The following PAH variants were observed in gnomAD, a reference collection of about 807,000 sequenced individuals.
PAH encodes the protein phenylalanine hydroxylase, also known as phenylalanine-4-hydroxylase.
A neutral mutation model predicts 62.0 loss-of-function variants in PAH; 64 were observed. That is an observed-to-expected ratio of 1.03 (90% CI 0.84 to 1.27). PAH has a LOEUF of 1.27. PAH is among the 50% of genes most tolerant of loss of function. The pLI, the probability that PAH is intolerant of heterozygous loss-of-function variation, is 0.00. For missense variants in PAH, 579 were observed against 542.8 expected (o/e 1.07, Z -0.66); for synonymous variants, 195 against 196.2 (o/e 0.99, Z 0.05).
Position 102,838,448 on chromosome 12 carries a change from T to G in PAH, c.*727A>C, listed in dbSNP as rs1037398267. On this transcript the variant is annotated 3_prime_UTR_variant, in exon 13 of 13. Coordinates refer to ENST00000553106, the MANE Select transcript of PAH (RefSeq NM_000277.3). ...TTCCTGAATATCTACCAACCAAGCC[T>G]TTAGTCAACATCTGCTGCATCATAA... The G allele has an allele frequency of 6.6e-6, 1 of 152,232 alleles. No homozygotes were observed. Among genetic ancestry groups the G allele is most frequent in the Admixed American group, 6.5e-5 (1 of 15,280 alleles). The allele number at this position is 152,232 out of a possible 1,614,324, so 9.4% of individuals were successfully genotyped here.
chr12:102,939,484 C>A (rs1879217548), intron 1 of PAH, among the ~76,000 whole-genome samples: 1 of 152,212 alleles, frequency 6.6e-6, no homozygotes, highest in African/African-American at 2.4e-5. Context: ...GCAGAGCTCC[C>A]AGAAGCAACT....
intron 4 of PAH, 123 bp from the exon 5 acceptor site, chr12:102,866,786 C>T: frequency 1.2e-6 from 1 of 820,284 alleles, no homozygotes; most frequent in South Asian, 1.4e-5. Flanking sequence ...TTGGTTATAC[C>T]CTAAAACTAA....
exon 1 of PAH, chr12:102,958,342 C>G (rs772871535): frequency 1.4e-6 from 2 of 1,457,542 alleles, no homozygotes; most frequent in South Asian, 2.7e-5. Context: ...TGTTTCTTTG[C>G]CACGGCCGCA....
chr12:102,916,013 G>C (rs374633717), intron 1 of PAH, among the ~76,000 whole-genome samples: 4 of 151,984 alleles, frequency 2.6e-5, no homozygotes, highest in Admixed American at 2.6e-4. Flanking sequence ...TGTGGGGACC[G>C]TATTGCCAGC....
intron 2 of PAH, among the ~76,000 whole-genome samples, chr12:102,908,866 A>G (rs36013270): frequency 0.12 from 15,638 of 134,616 alleles, 1,010 homozygotes; most frequent in Middle Eastern, 0.15. Context: ...TTTGAGACAG[A>G]GTTTCACTCT....
chr12:102,958,200 G>A, exon 1 of PAH: 2 of 1,412,232 alleles, frequency 1.4e-6, no homozygotes, highest in Admixed American at 3.0e-5. Context: ...CGCACCTCGC[G>A]TCCCGGATCG....
chr12:102,895,000 C>G, intron 2 of PAH, 82 bp from the exon 3 acceptor site: 1 of 1,015,590 alleles, frequency 9.8e-7, no homozygotes, highest in East Asian at 2.4e-5. Flanking sequence ...ACAGGAAAAC[C>G]TAACGCAACA....
intron 8 of PAH, among the ~76,000 whole-genome samples, chr12:102,850,801 T>G (rs941754379): frequency 3.3e-5 from 5 of 152,152 alleles, no homozygotes; most frequent in African/African-American, 1.2e-4. Context: ...AAAACTTTCT[T>G]TTTTGGCCAG....
chr12:102,893,824 G>A (rs1230322191), intron 3 of PAH, among the ~76,000 whole-genome samples: 1 of 152,180 alleles, frequency 6.6e-6, no homozygotes, highest in Non-Finnish European at 1.5e-5. Flanking sequence ...TGCAAGTTTT[G>A]ACAACTCCTA....
intron 1 of PAH, among the ~76,000 whole-genome samples, chr12:102,933,838 G>T (rs1879002907): frequency 6.6e-6 from 1 of 151,984 alleles, no homozygotes; most frequent in Admixed American, 6.5e-5. Flanking sequence ...TGTAATTTCA[G>T]TTATTAACTG....
intron 1 of PAH, among the ~76,000 whole-genome samples, chr12:102,937,230 G>GA (rs1879134174): frequency 6.6e-6 from 1 of 152,104 alleles, no homozygotes; most frequent in Non-Finnish European, 1.5e-5. Context: ...AACTAATACT[G>GA]AGAGTTTAGT....
intron 5 of PAH, among the ~76,000 whole-genome samples, chr12:102,858,097 C>T (rs1393244628): frequency 1.3e-5 from 2 of 152,118 alleles, no homozygotes; most frequent in African/African-American, 2.4e-5. Context: ...CGTGCAGAGA[C>T]ACACATAGGC....
intron 9 of PAH, among the ~76,000 whole-genome samples, chr12:102,846,227 C>T (rs1327381789): frequency 8.5e-5 from 13 of 152,106 alleles, no homozygotes; most frequent in Non-Finnish European, 1.6e-4. Context: ...TTTGATGGAA[C>T]GAGTTCATAA....
At chr12:102,871,453 T>C (rs896217474) in intron 4 of PAH, among the ~76,000 whole-genome samples, 3 of 152,246 alleles carry the variant, frequency 2.0e-5, no homozygotes, top group Non-Finnish European at 2.9e-5. Context: ...CTGTTCTTTC[T>C]GTCTTCCTGG....
chr12:102,860,073 G>A (rs1465932520), intron 5 of PAH, among the ~76,000 whole-genome samples: 1 of 152,166 alleles, frequency 6.6e-6, no homozygotes, highest in East Asian at 1.9e-4. Context: ...TGTATATTTA[G>A]AAAACCCCAT....
upstream of PAH, among the ~76,000 whole-genome samples, chr12:102,922,195 CT>C (rs550531972): frequency 3.9e-3 from 493 of 124,934 alleles, 1 homozygote; most frequent in East Asian, 0.024. Context: ...TAAATCTTGC[CT>C]TTTTTTTTTT....
chr12:102,913,669 C>G, intron 1 of PAH: 1 of 595,526 alleles, frequency 1.7e-6, no homozygotes, highest in South Asian at 2.1e-5. Context: ...AACTTGCTCC[C>G]ATATGCTGAG....
intron 2 of PAH, among the ~76,000 whole-genome samples, chr12:102,898,250 T>A (rs1037096209): frequency 6.6e-6 from 1 of 152,182 alleles, no homozygotes; most frequent in Non-Finnish European, 1.5e-5. Flanking sequence ...AGATGGGATA[T>A]TTTAGCTCTT....
intron 2 of PAH, among the ~76,000 whole-genome samples, chr12:102,899,858 CAAAAAAAAAAA>C (rs1166069532): frequency 1.2e-3 from 11 of 9,538 alleles, no homozygotes; most frequent in South Asian, 0.015. Flanking sequence ...GACTCCGTCT[CAAAAAAAAAAA>C]AAAAAAAAAA....
Sources: gnomAD v4.1 joint callset for allele counts (sites outside exome capture counted in the v4.1 genomes callset) on GRCh38, gnomAD v4.1.1 for gene constraint, MANE v1.5 for transcripts, NCBI Gene and HGNC (gene_info 2026-07-23, HGNC 2026-07-21) for gene names.